MGAT4A: variants seen among roughly 807,000 people sequenced by gnomAD.
The protein encoded by MGAT4A is N-acetylglucosaminyltransferase IVa.
In MGAT4A, 33 loss-of-function variants were observed where a neutral mutation model predicts 74.1. That is an observed-to-expected ratio of 0.45 (90% CI 0.34 to 0.60). The LOEUF (loss-of-function observed/expected upper bound fraction) is 0.60, where lower values mean the gene tolerates loss of function less well. MGAT4A is among the 20% of genes least tolerant of loss of function. The pLI is 0.02. For missense variants in MGAT4A, 479 were observed against 628.3 expected (o/e 0.76, Z 2.54); for synonymous variants, 198 against 210.4 (o/e 0.94, Z 0.51).
chr2:98,689,193 T>C (rs558940736), intron 2 of MGAT4A, among the ~76,000 whole-genome samples: 1 of 152,300 alleles, frequency 6.6e-6, no homozygotes, highest in Admixed American at 6.5e-5. Context: ...AACACTACTT[T>C]GTAGTCTTCT....
At chr2:98,703,906 G>GCA (rs1483713475) in intron 2 of MGAT4A, among the ~76,000 whole-genome samples, 1 of 152,086 alleles carries the variant, frequency 6.6e-6, no homozygotes, top group African/African-American at 2.4e-5. Flanking sequence ...GGCATTCTGT[G>GCA]ACCACTCGCA....
chr2:98,622,357 C>T lies in MGAT4A; in HGVS notation c.*3209G>A. 1 of 985,450 alleles carries T rather than the reference C, an allele frequency of 1.0e-6. No individual in the cohort carries two copies. Among genetic ancestry groups the T allele is most frequent in the Non-Finnish European group, 1.2e-6 (1 of 829,950 alleles). 61.0% of individuals were successfully genotyped at this position (985,450 alleles called of 1,614,324 possible). On this transcript the variant is annotated 3_prime_UTR_variant, in exon 16 of 16. Coordinates refer to ENST00000393487, the MANE Select transcript of MGAT4A (RefSeq NM_012214.3). ...CATGGCCACTGAGTACTTGGAATGTCACTAGTGTGTGTGATGGCAGAACCG... is the reference window on the plus strand; with the variant it reads ...CATGGCCACTGAGTACTTGGAATGTTACTAGTGTGTGTGATGGCAGAACCG...
chr2:98,635,090 C>A, intron 14 of MGAT4A, 132 bp downstream of exon 14: 3 of 658,258 alleles, frequency 4.6e-6, no homozygotes, highest in Non-Finnish European at 7.9e-6. Flanking sequence ...AGTACTACAA[C>A]ACAGCACACA....
intron 4 of MGAT4A, among the ~76,000 whole-genome samples, chr2:98,665,467 C>G (rs1701811218): frequency 6.6e-6 from 1 of 152,092 alleles, no homozygotes; most frequent in South Asian, 2.1e-4. Context: ...GTGACACAAC[C>G]CTCTCTTCCA....
chr2:98,685,268 G>C (rs904790305), intron 2 of MGAT4A, among the ~76,000 whole-genome samples: 1 of 151,266 alleles, frequency 6.6e-6, no homozygotes, highest in African/African-American at 2.4e-5. Flanking sequence ...GTAGTCATCT[G>C]GTTCAACCTC....
intron 7 of MGAT4A, chr2:98,655,853 C>T (rs1701651581): frequency 5.1e-6 from 1 of 197,932 alleles, no homozygotes; most frequent in Non-Finnish European, 1.0e-5. Context: ...ACGGTAAAGA[C>T]ATTTATTGGG....
rs2104199028 is a variant in MGAT4A at position 98,619,659 on chromosome 2, G to C, written c.*5907C>G. ...ATAGCAGCCATTTTTAAGGCTCAGA[G>C]AATATGTCTTCAAAAGATATTTTCA... is the stretch of plus-strand genomic sequence containing the variant. On this transcript the variant is annotated 3_prime_UTR_variant, in exon 16 of 16. Coordinates refer to ENST00000393487, the MANE Select transcript of MGAT4A (RefSeq NM_012214.3). The C allele has an allele frequency of 6.6e-6, 1 of 152,318 alleles. No individual in the cohort carries two copies. Among genetic ancestry groups the C allele is most frequent in the South Asian group, 2.1e-4 (1 of 4,830 alleles). 9.4% of individuals were successfully genotyped at this position (152,318 alleles called of 1,614,324 possible).
chr2:98,702,794 C>T (rs1052700496), intron 2 of MGAT4A, among the ~76,000 whole-genome samples: 6 of 152,154 alleles, frequency 3.9e-5, no homozygotes, highest in Non-Finnish European at 8.8e-5. Context: ...AAGAACTAAT[C>T]AAAACGGAAG....
intron 2 of MGAT4A, among the ~76,000 whole-genome samples, chr2:98,706,362 G>A (rs992200726): frequency 6.6e-6 from 1 of 151,982 alleles, no homozygotes. Context: ...GTATCAAAAT[G>A]ATGTGAGTTT....
At chr2:98,652,757 T>C (rs1234865090) in intron 8 of MGAT4A, among the ~76,000 whole-genome samples, 1 of 152,094 alleles carries the variant, frequency 6.6e-6, no homozygotes, top group Non-Finnish European at 1.5e-5. Context: ...GTGGGACTAC[T>C]GGTATGCACC....
intron 2 of MGAT4A, among the ~76,000 whole-genome samples, chr2:98,708,304 C>T (rs1036575445): frequency 4.0e-5 from 6 of 151,722 alleles, no homozygotes; most frequent in Admixed American, 6.6e-5. Context: ...TTTTCAGGTC[C>T]GTGATAAAAG....
rs141182113 is a variant in MGAT4A at position 98,719,043 on chromosome 2, G to A, written c.94+7196C>T. Among the ~76,000 whole-genome samples the A allele has an allele frequency of 6.9e-4, 105 of 152,240 alleles. No individual in the cohort carries two copies. The Middle Eastern group carries it at 0.02, about 30-fold the overall frequency. ...AAGAAGGGGCTTCATTTGCAACAGCGCCTGGAGAATTTTGGGCTTGTGGTG... is the reference window on the plus strand; with the variant it reads ...AAGAAGGGGCTTCATTTGCAACAGCACCTGGAGAATTTTGGGCTTGTGGTG... On this transcript the variant is annotated intron_variant, in intron 2 of 15. Coordinates refer to ENST00000393487, the MANE Select transcript of MGAT4A (RefSeq NM_012214.3).
intron 3 of MGAT4A, among the ~76,000 whole-genome samples, chr2:98,677,327 A>AGAAG (rs1257422341): frequency 2.1e-4 from 32 of 152,372 alleles, no homozygotes; most frequent in African/African-American, 6.5e-4. Context: ...AAGTCCACAC[A>AGAAG]TAAGTCATCA....
At chr2:98,664,176 G>A (rs1268040477) in intron 4 of MGAT4A, among the ~76,000 whole-genome samples, 6 of 128,724 alleles carry the variant, frequency 4.7e-5, no homozygotes, top group Non-Finnish European at 9.3e-5. Context: ...ACTCCAGCCT[G>A]GGTGACAAAG....
In MGAT4A at chr2:98,660,213, T is replaced by C. The variant is rs954178263; in HGVS notation, c.538-1949A>G. Among the ~76,000 whole-genome samples the C allele has an allele frequency of 2.1e-4, 8 of 37,278 alleles. No individual in the cohort carries two copies. The African/African-American group carries it at 5.5e-3, about 25-fold the overall frequency. 24.5% of individuals were successfully genotyped at this position (37,278 alleles called of 152,430 possible). On this transcript the variant is annotated intron_variant, in intron 5 of 15. Transcript: ENST00000393487. ...GACACCAAAAATTATAAAATGTTGA[T>C]GAAATAATTTGAAGAACACACAAAT...
At chr2:98,722,398 T>C (rs898063434) in intron 2 of MGAT4A, among the ~76,000 whole-genome samples, 4 of 152,188 alleles carry the variant, frequency 2.6e-5, no homozygotes, top group Admixed American at 6.5e-5. Flanking sequence ...CGGGTGAACA[T>C]TGCATAGATT....
chr2:98,712,521 T>C (rs983394871), intron 2 of MGAT4A, among the ~76,000 whole-genome samples: 1 of 152,248 alleles, frequency 6.6e-6, no homozygotes, highest in Non-Finnish European at 1.5e-5. Flanking sequence ...TGGAGTTTGT[T>C]ACACAGGTGT....
At chr2:98,681,057 A>G (rs1330031463) in intron 2 of MGAT4A, among the ~76,000 whole-genome samples, 1 of 152,146 alleles carries the variant, frequency 6.6e-6, no homozygotes, top group Non-Finnish European at 1.5e-5. Context: ...ATCTCAGCTC[A>G]CTGCAAGCTC....
chr2:98,639,195 G>C (rs1017998770), intron 12 of MGAT4A, among the ~76,000 whole-genome samples: 4 of 151,964 alleles, frequency 2.6e-5, no homozygotes, highest in Non-Finnish European at 5.9e-5. Flanking sequence ...GCTGAGGCAG[G>C]AGAATCTTTT....
Sources: gnomAD v4.1 joint callset for allele counts (sites outside exome capture counted in the v4.1 genomes callset) on GRCh38, gnomAD v4.1.1 for gene constraint, MANE v1.5 for transcripts, NCBI Gene and HGNC (gene_info 2026-07-23, HGNC 2026-07-21) for gene names.